The following FLI1 variants were observed in gnomAD, a reference collection of about 807,000 sequenced individuals.
FLI1 encodes the protein Fli-1 proto-oncogene, ETS transcription factor, also known as Friend leukemia integration 1 transcription factor.
A neutral mutation model predicts 53.1 loss-of-function variants in FLI1; 13 were observed. The observed-to-expected ratio is 0.24, with a 90% confidence interval of 0.16 to 0.39. The LOEUF is 0.39. Among genes scored for constraint, FLI1 ranks in the 10% least tolerant of loss-of-function variants. FLI1 has a pLI of 1.00. For missense variants in FLI1, 424 were observed against 600.5 expected, an observed-to-expected ratio of 0.71 and a Z score of 3.07; for synonymous variants, 244 against 236.7, an observed-to-expected ratio of 1.03 and a Z score of -0.28.
chr11:128,759,224 A>G (rs1028151931), intron 2 of FLI1, among the ~76,000 whole-genome samples: 1 of 152,240 alleles, frequency 6.6e-6, no homozygotes, highest in Non-Finnish European at 1.5e-5. Flanking sequence ...CCAAAGGCAC[A>G]AAGAGATGAA....
intron 1 of FLI1, among the ~76,000 whole-genome samples, chr11:128,716,553 G>A (rs553204888): frequency 2.0e-4 from 30 of 152,322 alleles, no homozygotes; most frequent in South Asian, 1.0e-3. Context: ...ATTTTTGATA[G>A]TTTGGAGAGC....
In FLI1 at chr11:128,748,633, C is replaced by CA. The variant is rs927424811; in HGVS notation, c.19-9471dup. Among the ~76,000 whole-genome samples, 1,206 of 136,282 alleles carry CA rather than the reference C, an allele frequency of 8.8e-3. 20 individuals carry two copies. The highest frequency in any genetic ancestry group is 0.03 in the African/African-American group (1,115 of 36,982). The allele number at this position is 136,282 out of a possible 152,430, so 89.4% of individuals were successfully genotyped here. On this transcript the variant is annotated intron_variant, in intron 1 of 8. Coordinates refer to ENST00000527786, the MANE Select transcript of FLI1 (RefSeq NM_002017.5). ...GGGCGACAAGAGTGAAACTCTGTCTCAAAAAAAAAAAGAAAGAAAGAAAAG... is the reference window on the plus strand; with the variant it reads ...GGGCGACAAGAGTGAAACTCTGTCTCAAAAAAAAAAAAGAAAGAAAGAAAAG...
intron 1 of FLI1, among the ~76,000 whole-genome samples, chr11:128,710,071 GA>G (rs1938724238): frequency 6.6e-6 from 1 of 152,158 alleles, no homozygotes; most frequent in South Asian, 2.1e-4. Flanking sequence ...TTCACTTAAC[GA>G]GGCCAGGAAA....
chr11:128,708,530 T>G (rs1305837832), intron 1 of FLI1, among the ~76,000 whole-genome samples: 1 of 152,162 alleles, frequency 6.6e-6, no homozygotes, highest in Non-Finnish European at 1.5e-5. Context: ...TGGTTTTGCC[T>G]TAGGCTGGCT....
At chr11:128,691,417 C>T (rs1419191706), upstream of FLI1, among the ~76,000 whole-genome samples, 3 of 152,216 alleles carry the variant, frequency 2.0e-5, no homozygotes, top group Admixed American at 6.5e-5. Context: ...TTCCCGCAGG[C>T]ATCTAGTCAG....
At chr11:128,739,843 G>T (rs1418144373) in intron 1 of FLI1, among the ~76,000 whole-genome samples, 2 of 152,152 alleles carry the variant, frequency 1.3e-5, no homozygotes, top group East Asian at 3.9e-4. Context: ...GAGTGTGGGG[G>T]CCTGGGAGAC....
intron 2 of FLI1, among the ~76,000 whole-genome samples, chr11:128,763,551 A>G (rs1230836104): frequency 6.6e-6 from 1 of 152,246 alleles, no homozygotes; most frequent in Non-Finnish European, 1.5e-5. Context: ...TCAGGACCAG[A>G]GTTCAGAGCT....
chr11:128,686,297 G>T (rs577474036), upstream of FLI1: 247 of 455,618 alleles, frequency 5.4e-4, 2 homozygotes, highest in South Asian at 3.8e-3. Context: ...AGAACAAGCT[G>T]CGGGCATCCC....
At chr11:128,736,708 T>A (rs1238227489) in intron 1 of FLI1, among the ~76,000 whole-genome samples, 1 of 152,228 alleles carries the variant, frequency 6.6e-6, no homozygotes, top group Non-Finnish European at 1.5e-5. Flanking sequence ...GAAAATTTTG[T>A]TCAGATTCTA....
chr11:128,766,240 C>T (rs1941334716), intron 2 of FLI1, among the ~76,000 whole-genome samples: 2 of 152,190 alleles, frequency 1.3e-5, no homozygotes, highest in Non-Finnish European at 2.9e-5. Flanking sequence ...CCTTCCGCAG[C>T]AGAAGCCAAA....
chr11:128,788,829 A>G (rs1043054281), intron 5 of FLI1, among the ~76,000 whole-genome samples: 8 of 152,186 alleles, frequency 5.3e-5, no homozygotes, highest in African/African-American at 1.7e-4. Context: ...TTTCTTTCTT[A>G]TGGAGAATCT....
At chr11:128,766,939 G>A (rs1941362250) in intron 2 of FLI1, among the ~76,000 whole-genome samples, 1 of 152,062 alleles carries the variant, frequency 6.6e-6, no homozygotes, top group African/African-American at 2.4e-5. Context: ...CAGTATAATG[G>A]CGGCTACAGC....
At chr11:128,781,828 T>C in intron 4 of FLI1, 130 bp from the exon 5 acceptor site, 1 of 740,814 alleles carries the variant, frequency 1.3e-6, no homozygotes, top group Non-Finnish European at 2.4e-6. Context: ...TTTCCTTTCT[T>C]CCTAGGAGTC....
intron 1 of FLI1, among the ~76,000 whole-genome samples, chr11:128,727,147 C>T (rs192050246): frequency 6.6e-6 from 1 of 152,266 alleles, no homozygotes; most frequent in Non-Finnish European, 1.5e-5. Flanking sequence ...AAGGAGCACA[C>T]TTCAGAATCA....
upstream of FLI1, chr11:128,693,976 G>C (rs898245794): frequency 3.3e-3 from 1,079 of 326,862 alleles, 23 homozygotes; most frequent in African/African-American, 0.022. Context: ...GAGAGAGAGA[G>C]AGAGAGAGAG....
At position 128,801,284 on chromosome 11, in the gene FLI1, G is replaced by A. The variant is rs529274863; in HGVS notation, c.656-4082G>A. Among the ~76,000 whole-genome samples the A allele has an allele frequency of 1.4e-4, 21 of 152,324 alleles. No homozygotes were observed. The South Asian group carries it at 3.3e-3, about 24-fold the overall frequency. ...GCCAGGTGTTGGGCTCTGCAAGGGG[G>A]TTTGTGTGGGGATGTGAGCCACTGG... On this transcript the variant is annotated intron_variant, in intron 5 of 8. Coordinates refer to ENST00000527786, the MANE Select transcript of FLI1 (RefSeq NM_002017.5).
intron 2 of FLI1, among the ~76,000 whole-genome samples, chr11:128,766,750 C>T (rs149295742): frequency 1.6e-4 from 24 of 151,834 alleles, no homozygotes; most frequent in African/African-American, 2.9e-4. Context: ...TCCGTTCCTG[C>T]GCCTGGCAGG....
intron 1 of FLI1, among the ~76,000 whole-genome samples, chr11:128,757,071 T>A (rs181873051): frequency 6.9e-6 from 1 of 145,152 alleles, no homozygotes; most frequent in Non-Finnish European, 1.5e-5. Context: ...TTTCTTTCTT[T>A]CTTTCTTTCT....
intron 1 of FLI1, among the ~76,000 whole-genome samples, chr11:128,718,278 G>A (rs1939103913): frequency 6.6e-6 from 1 of 152,220 alleles, no homozygotes; most frequent in Non-Finnish European, 1.5e-5. Flanking sequence ...TGTGGATTTG[G>A]GTTCTAATCC....
Sources: gnomAD v4.1 joint callset for allele counts (sites outside exome capture counted in the v4.1 genomes callset) on GRCh38, gnomAD v4.1.1 for gene constraint, MANE v1.5 for transcripts, NCBI Gene and HGNC (gene_info 2026-07-23, HGNC 2026-07-21) for gene names.